GARIN3: variants seen among roughly 807,000 people sequenced by gnomAD.
GARIN3 encodes Golgi-associated RAB2 interactor protein 3.
chr5:157,165,715 G>C, the GARIN3 span: 1 of 1,614,202 alleles, frequency 6.2e-7, no homozygotes, highest in Non-Finnish European at 8.5e-7. Flanking sequence ...CACAACTGCA[G>C]ATAAAAAGTA....
At chr5:157,165,950 GC>G in the GARIN3 span, 1 of 1,614,164 alleles carries the variant, frequency 6.2e-7, no homozygotes, top group Non-Finnish European at 8.5e-7. Flanking sequence ...TGCAGACGAT[GC>G]CCACTGTCAC....
the GARIN3 span, among the ~76,000 whole-genome samples, chr5:157,165,104 T>G: frequency 1.1e-4 from 17 of 152,212 alleles, no homozygotes; most frequent in African/African-American, 4.1e-4. Flanking sequence ...GGATGGGAAA[T>G]TACTTAGTGG....
At chr5:157,163,980 T>G in the GARIN3 span, among the ~76,000 whole-genome samples, 7 of 151,398 alleles carry the variant, frequency 4.6e-5, no homozygotes, top group Non-Finnish European at 7.4e-5. Flanking sequence ...TCGCTTGAAC[T>G]CAGAAGGCAG....
chr5:157,164,488 C>T, the GARIN3 span, among the ~76,000 whole-genome samples: 2 of 152,204 alleles, frequency 1.3e-5, no homozygotes, highest in African/African-American at 4.8e-5. Context: ...TGCCAAGTTC[C>T]ATCTACAGCA....
chr5:157,164,682 C>T, the GARIN3 span, among the ~76,000 whole-genome samples: 4 of 152,270 alleles, frequency 2.6e-5, no homozygotes, highest in South Asian at 2.1e-4. Flanking sequence ...GTGACTACTA[C>T]GATTGTGCAC....
chr5:157,165,961 C>G, the GARIN3 span: 1 of 1,614,162 alleles, frequency 6.2e-7, no homozygotes. Context: ...CCCACTGTCA[C>G]CATTCGGACA....
At chr5:157,162,944 T>A in the GARIN3 span, 5 of 1,614,090 alleles carry the variant, frequency 3.1e-6, no homozygotes, top group Non-Finnish European at 4.2e-6. Context: ...GAACTTTTCC[T>A]ACTGGGATGT....
chr5:157,162,324 AGAT>A, the GARIN3 span: 1 of 1,401,442 alleles, frequency 7.1e-7, no homozygotes, highest in South Asian at 1.4e-5. Context: ...TTCAAGCAGG[AGAT>A]TGTATTTCTT....
At chr5:157,163,742 T>A in the GARIN3 span, 1 of 1,501,222 alleles carries the variant, frequency 6.7e-7, no homozygotes, top group Non-Finnish European at 8.9e-7. Flanking sequence ...TATCCTGGAG[T>A]TAATTCAAGG....
the GARIN3 span, chr5:157,165,592 C>A: frequency 6.2e-7 from 1 of 1,613,032 alleles, no homozygotes; most frequent in Non-Finnish European, 8.5e-7. Context: ...TCGGGTGGTG[C>A]GTCCCCAGAT....
At chr5:157,165,859 G>A in the GARIN3 span, 31 of 1,614,042 alleles carry the variant, frequency 1.9e-5, no homozygotes, top group African/African-American at 8.0e-5. Context: ...TTGGCAAACC[G>A]GCCCCATCTG....
At chr5:157,166,262 T>C in the GARIN3 span, 3 of 1,498,348 alleles carry the variant, frequency 2.0e-6, no homozygotes, top group South Asian at 4.0e-5. Flanking sequence ...CTACAGGACT[T>C]CTGCCTAAAT....
At chr5:157,162,875 C>A in the GARIN3 span, 2 of 1,614,074 alleles carry the variant, frequency 1.2e-6, no homozygotes, top group African/African-American at 2.7e-5. Context: ...TGGGAAGACG[C>A]TTTCTGATTC....
the GARIN3 span, chr5:157,163,256 A>T: frequency 9.6e-5 from 155 of 1,614,076 alleles, no homozygotes; most frequent in African/African-American, 1.9e-3. Context: ...CCCTCTGAGG[A>T]TATGTTGGCA....
chr5:157,163,136 C>A, the GARIN3 span: 1 of 1,614,162 alleles, frequency 6.2e-7, no homozygotes, highest in Non-Finnish European at 8.5e-7. Flanking sequence ...ATACTGCCTG[C>A]AAACGCCGCA....
At chr5:157,166,229 A>T in the GARIN3 span, 2 of 1,555,138 alleles carry the variant, frequency 1.3e-6, no homozygotes, top group East Asian at 4.5e-5. Flanking sequence ...AGAGAGACGG[A>T]GAGAAGGTAA....
the GARIN3 span, chr5:157,165,498 G>A: frequency 2.0e-6 from 3 of 1,529,638 alleles, no homozygotes; most frequent in Non-Finnish European, 2.6e-6. Context: ...AGGCTTTGTA[G>A]GACTGGCTTT....
the GARIN3 span, among the ~76,000 whole-genome samples, chr5:157,165,224 A>G: frequency 6.6e-6 from 1 of 152,236 alleles, no homozygotes. Context: ...ATTTATACAA[A>G]TAAAAGTTCC....
the GARIN3 span, chr5:157,165,786 A>T: frequency 6.2e-7 from 1 of 1,614,148 alleles, no homozygotes; most frequent in Non-Finnish European, 8.5e-7. Flanking sequence ...GGAGATCTTC[A>T]CAAATTTCAA....
Sources: gnomAD v4.1 joint callset for allele counts (sites outside exome capture counted in the v4.1 genomes callset) on GRCh38, gnomAD v4.1.1 for gene constraint, MANE v1.5 for transcripts, NCBI Gene and HGNC (gene_info 2026-07-23, HGNC 2026-07-21) for gene names.